Variants in FNDC1 observed in about 807,000 individuals in gnomAD.
FNDC1 encodes the protein fibronectin type III domain-containing protein 1.
FNDC1 carries 96 observed loss-of-function variants against 168.0 expected under a neutral mutation model. That is an observed-to-expected ratio of 0.57 (90% confidence interval 0.48 to 0.68). The LOEUF is 0.68. Among genes scored for constraint, FNDC1 ranks in the 30% least tolerant of loss-of-function variants. The pLI is 0.00. For missense variants in FNDC1, 2,587 were observed against 2,482.1 expected (o/e 1.04, Z -0.90); for synonymous variants, 1,099 against 1,025.9 (o/e 1.07, Z -1.36).
In FNDC1 at chr6:159,169,406, G is replaced by C. The variant is rs1051500567; in HGVS notation, c.-191G>C. 1.2e-5 allele frequency: 2 copies of C among 160,300 alleles called. No homozygotes were observed. The highest frequency in any genetic ancestry group is 2.0e-4 in the South Asian group (1 of 4,924). 9.9% of individuals were successfully genotyped at this position (160,300 alleles called of 1,614,324 possible). On this transcript the variant is annotated 5_prime_UTR_variant, in exon 1 of 23. Transcript: ENST00000297267. This position sits in a 1 kb window ranked among gnomAD's most constrained non-coding sequence, Gnocchi z 6.8. ...GCGGGAGGTCGGCGGCCTCAGTGGC[G>C]GAGCGCGGCTGCCGGTGTGCGGCCG...
intron 21 of FNDC1, among the ~76,000 whole-genome samples, chr6:159,266,510 C>T (rs1485924152): frequency 2.0e-5 from 3 of 151,960 alleles, no homozygotes; most frequent in Non-Finnish European, 2.9e-5. Flanking sequence ...TTTGGGAGGC[C>T]GAGGTGGGTG....
intron 4 of FNDC1, among the ~76,000 whole-genome samples, chr6:159,206,455 T>C (rs892601022): frequency 6.6e-6 from 1 of 152,204 alleles, no homozygotes; most frequent in Non-Finnish European, 1.5e-5. Context: ...CTCCAGAGCC[T>C]GGGGCAATTG....
intron 6 of FNDC1, among the ~76,000 whole-genome samples, chr6:159,221,952 A>C (rs1385511954): frequency 6.6e-6 from 1 of 152,234 alleles, no homozygotes; most frequent in Non-Finnish European, 1.5e-5. Context: ...CGATAGGAGC[A>C]GCCAAGCGTT....
intron 10 of FNDC1, among the ~76,000 whole-genome samples, 152 bp downstream of exon 10, chr6:159,230,155 T>A (rs918645552): frequency 6.6e-6 from 1 of 152,230 alleles, no homozygotes; most frequent in Non-Finnish European, 1.5e-5. Flanking sequence ...TATTTTTGTG[T>A]TTCCTTTAGA....
chr6:159,263,621 G>A (rs574645131), intron 19 of FNDC1, among the ~76,000 whole-genome samples: 2 of 152,070 alleles, frequency 1.3e-5, no homozygotes, highest in African/African-American at 4.8e-5. Flanking sequence ...AATTAGCCAG[G>A]TGTGGTGGCG....
intron 22 of FNDC1, 82 bp downstream of exon 22, chr6:159,268,008 T>C: frequency 6.9e-7 from 1 of 1,443,522 alleles, no homozygotes; most frequent in Non-Finnish European, 9.5e-7. Flanking sequence ...ACAGTAGGTC[T>C]GCCTTTGCCT....
chr6:159,180,390 A>G (rs1292722127), intron 1 of FNDC1, among the ~76,000 whole-genome samples: 4 of 152,334 alleles, frequency 2.6e-5, no homozygotes, highest in Middle Eastern at 3.4e-3. Flanking sequence ...TAGAATTTCA[A>G]TATATTTTTG....
chr6:159,180,625 C>T (rs1023916904), intron 1 of FNDC1, among the ~76,000 whole-genome samples: 2 of 152,078 alleles, frequency 1.3e-5, no homozygotes, highest in Admixed American at 6.5e-5. Context: ...TGATGCTCTG[C>T]CCCAACCCCC....
In FNDC1 at chr6:159,233,287, C is replaced by T. The variant is rs766054040; in HGVS notation, c.2775C>T (p.Ile925=). The change falls in exon 11 of 23, where the codon ATC becomes ATT. Residue 925 remains isoleucine, a synonymous_variant. Transcript: ENST00000297267. The surrounding 1 kb of genome is among the most constrained non-coding windows in gnomAD (Gnocchi z 4.6). ...CCAGCCTGCATCGGAAGGAACCCATCCCAGAGAACCCCAAATCCACAGGGG... is the reference window on the plus strand; with the variant it reads ...CCAGCCTGCATCGGAAGGAACCCATTCCAGAGAACCCCAAATCCACAGGGG... The part of the protein sequence containing the change: ...RGASLHRKEP[I]PENPKSTGAD... The T allele has an allele frequency of 6.2e-5, 100 of 1,613,964 alleles. No homozygotes were observed. Among genetic ancestry groups the T allele is most frequent in the Admixed American group, 2.7e-4 (16 of 60,024 alleles).
intron 4 of FNDC1, among the ~76,000 whole-genome samples, chr6:159,213,920 A>ATG (rs1218825078): frequency 3.3e-5 from 5 of 152,096 alleles, no homozygotes; most frequent in Admixed American, 3.3e-4. Flanking sequence ...CTATTGATTT[A>ATG]TGTGTTCTTG....
intron 6 of FNDC1, among the ~76,000 whole-genome samples, chr6:159,222,939 T>C (rs972534682): frequency 3.3e-5 from 5 of 152,036 alleles, no homozygotes; most frequent in African/African-American, 1.2e-4. Flanking sequence ...CTTTGTACTG[T>C]TTTATATGTC....
chr6:159,219,578 G>A (rs979409641), intron 5 of FNDC1, among the ~76,000 whole-genome samples: 3 of 152,170 alleles, frequency 2.0e-5, no homozygotes, highest in South Asian at 2.1e-4. Flanking sequence ...CTTCTGCGCG[G>A]GGCTTTGTTG....
intron 1 of FNDC1, among the ~76,000 whole-genome samples, chr6:159,188,746 C>CTTT (rs869093208): frequency 6.3e-5 from 8 of 126,540 alleles, no homozygotes; most frequent in South Asian, 2.7e-4. Context: ...TTAATTTTTA[C>CTTT]TTTTTTTTTT....
intron 11 of FNDC1, among the ~76,000 whole-genome samples, chr6:159,235,212 G>C (rs542600857): frequency 6.6e-6 from 1 of 152,338 alleles, no homozygotes; most frequent in African/African-American, 2.4e-5. Context: ...TTTATGTCCA[G>C]GGCAGGGTCC....
Position 159,231,326 on chromosome 6 carries a change from G to C in FNDC1, c.1370-556G>C, listed in dbSNP as rs1031900597. Among the ~76,000 whole-genome samples the C allele has an allele frequency of 1.4e-3, 41 of 29,738 alleles. 11 individuals are homozygous for C. The highest frequency in any genetic ancestry group is 2.1e-3 in the African/African-American group (40 of 18,896). 19.5% of individuals were successfully genotyped at this position (29,738 alleles called of 152,430 possible). A position where few individuals can be genotyped will look rare whatever the true frequency, so the allele number is the denominator to read the frequency against. On this transcript the variant is annotated intron_variant, in intron 10 of 22. Coordinates refer to ENST00000297267, the MANE Select transcript of FNDC1 (RefSeq NM_032532.3). The stretch of plus-strand genomic sequence containing the variant: ...GGAAGCGGAGCTTGCAGTGAGCCGA[G>C]ATTGCGCCACTGCAGTCCGCAGTCC...
intron 19 of FNDC1, 56 bp from the exon 20 acceptor site, chr6:159,264,919 A>C (rs1777558774): frequency 6.8e-7 from 1 of 1,459,872 alleles, no homozygotes; most frequent in Non-Finnish European, 9.4e-7. Context: ...CCATTTAAAG[A>C]ATTGCATGAT....
At chr6:159,251,244 T>C in intron 16 of FNDC1, 58 bp from the exon 17 acceptor site, 1 of 1,310,070 alleles carries the variant, frequency 7.6e-7, no homozygotes, top group South Asian at 1.3e-5. Flanking sequence ...AGATGCTATG[T>C]TTCTGCCTCC....
chr6:159,190,068 A>G (rs1299644009), intron 1 of FNDC1, among the ~76,000 whole-genome samples: 1 of 152,182 alleles, frequency 6.6e-6, no homozygotes, highest in Non-Finnish European at 1.5e-5. Flanking sequence ...CGGTATTCCC[A>G]TCTTTAATCC....
At chr6:159,229,334 T>A (rs966676618) in intron 9 of FNDC1, among the ~76,000 whole-genome samples, 1 of 152,232 alleles carries the variant, frequency 6.6e-6, no homozygotes, top group African/African-American at 2.4e-5. Flanking sequence ...ATTTCAAATA[T>A]GGAATTTTTC....
Sources: gnomAD v4.1 joint callset for allele counts (sites outside exome capture counted in the v4.1 genomes callset) on GRCh38, gnomAD v4.1.1 for gene constraint, Gnocchi (gnomAD v3.1) non-coding constraint, MANE v1.5 for transcripts, NCBI Gene and HGNC (gene_info 2026-07-23, HGNC 2026-07-21) for gene names.